Variants in RPS9 observed in about 807,000 individuals in gnomAD.
The protein encoded by RPS9 is small ribosomal subunit protein uS4.
In RPS9, 1 loss-of-function variant was observed where a neutral mutation model predicts 16.9. That is an observed-to-expected ratio of 0.06 (90% CI 0.02 to 0.28). The LOEUF (loss-of-function observed/expected upper bound fraction) is 0.28, where lower values mean the gene tolerates loss of function less well. RPS9 is among the 10% of genes least tolerant of loss of function. The pLI is 1.00. For synonymous variants in RPS9, 106 were observed against 110.9 expected (o/e 0.96, Z 0.28); for missense variants, 137 against 273.2 (o/e 0.50, Z 3.51).
At chr19:54,205,988 T>C (rs1472024669) in intron 3 of RPS9, among the ~76,000 whole-genome samples, 1 of 152,162 alleles carries the variant, frequency 6.6e-6, no homozygotes. Flanking sequence ...GGCTAATTTT[T>C]CGTAATCTTA....
In RPS9 at chr19:54,200,858, C is replaced by G. The variant is rs1319093275; in HGVS notation, c.-56C>G. On this transcript the variant is annotated 5_prime_UTR_variant, in exon 1 of 5. Coordinates refer to ENST00000302907, the MANE Select transcript of RPS9 (RefSeq NM_001013.4). ...GAGCGCAGCCGTGGCGCTTCCGCGC[C>G]TCTTTCTCAGTGACCGGGTGGTTTG... 1.8e-6 allele frequency: 2 copies of G among 1,124,614 alleles called. No individual in the cohort carries two copies. The highest frequency in any genetic ancestry group is 2.2e-6 in the Non-Finnish European group (2 of 915,562). The allele number at this position is 1,124,614 out of a possible 1,614,324, so 69.7% of individuals were successfully genotyped here. A position where few individuals can be genotyped will look rare whatever the true frequency, so the allele number is the denominator to read the frequency against.
At chr19:54,203,191 T>C in intron 3 of RPS9, 1 of 936,564 alleles carries the variant, frequency 1.1e-6, no homozygotes, top group African/African-American at 1.8e-5. Flanking sequence ...TACAGTCATG[T>C]GAGAAAGCGG....
chr19:54,203,785 C>T (rs1176841129), intron 3 of RPS9, among the ~76,000 whole-genome samples: 1 of 146,260 alleles, frequency 6.8e-6, no homozygotes, highest in African/African-American at 2.5e-5. Flanking sequence ...CCCCCACCCC[C>T]CAGCACAACT....
At chr19:54,201,015 C>T in intron 1 of RPS9, 127 bp downstream of exon 1, 3 of 1,449,066 alleles carry the variant, frequency 2.1e-6, no homozygotes, top group African/African-American at 1.4e-5. Flanking sequence ...GAGTGCAGCA[C>T]GGTTGTGGGG....
chr19:54,201,847 A>T, intron 3 of RPS9: 1 of 777,094 alleles, frequency 1.3e-6, no homozygotes. Context: ...TAATGACCAG[A>T]GCTAAAGATA....
intron 3 of RPS9, chr19:54,202,982 G>A (rs1568891553): frequency 4.1e-6 from 4 of 965,584 alleles, no homozygotes; most frequent in Non-Finnish European, 4.9e-6. Context: ...ACAGGTGTAA[G>A]CCACCGCACC....
intron 1 of RPS9, 115 bp downstream of exon 1, chr19:54,201,003 G>T: frequency 1.4e-6 from 2 of 1,440,938 alleles, no homozygotes; most frequent in South Asian, 1.5e-5. Flanking sequence ...GTGGTTGAAC[G>T]GGAGTGCAGC....
intron 3 of RPS9, chr19:54,202,612 TCTA>T: frequency 1.0e-6 from 1 of 985,420 alleles, no homozygotes; most frequent in African/African-American, 1.7e-5. Context: ...TGTTTTAAAA[TCTA>T]CTCTGAGATG....
chr19:54,201,670 TTCTGTTGCC>T lies in RPS9; in HGVS notation c.220+68_220+76del, dbSNP rs2077057795. 1.2e-5 allele frequency: 20 copies of T among 1,601,264 alleles called. No individual in the cohort carries two copies. The East Asian group carries it at 4.3e-4, about 34-fold the overall frequency. On this transcript the variant is annotated intron_variant, in intron 3 of 4. Transcript: ENST00000302907. ...CAGGGCTTGTGAGGTTCATTCTCCC[TTCTGTTGCC>T]TCTGTTCCAGTGATGAGAGTTGTGT...
At chr19:54,201,379 A>AT in intron 2 of RPS9, 98 bp downstream of exon 2, 1 of 1,606,674 alleles carries the variant, frequency 6.2e-7, no homozygotes, top group Non-Finnish European at 8.5e-7. Flanking sequence ...CGTCCCCTAA[A>AT]TTTGGTACTA....
chr19:54,202,357 C>T (rs1475006765), intron 3 of RPS9: 1 of 882,788 alleles, frequency 1.1e-6, no homozygotes, highest in Admixed American at 6.2e-5. Flanking sequence ...GGCTAATTTT[C>T]TATTATTAGT....
Position 54,201,293 on chromosome 19 carries a change from A to C in RPS9, c.97+12A>C. On this transcript the variant is annotated intron_variant, in intron 2 of 4. Coordinates refer to ENST00000302907, the MANE Select transcript of RPS9 (RefSeq NM_001013.4). ...GCTGAAGCTGATCGGTGAGTGGCCA[A>C]GGCTTCCGGGAAGTGGTTCGGCTTC... 1.2e-6 allele frequency: 2 copies of C among 1,614,068 alleles called. No homozygotes were observed. Among genetic ancestry groups the C allele is most frequent in the Non-Finnish European group, 1.7e-6 (2 of 1,180,004 alleles).
rs189846490 is a variant in RPS9 at position 54,202,414 on chromosome 19, A to G, written c.220+805A>G. On this transcript the variant is annotated intron_variant, in intron 3 of 4. Transcript: ENST00000302907. ...TGTCCAGGCTGGTGCTTGTTTTTTT[A>G]AGCTGGTCAAGGACATTTAGGTGGT... 6.0e-5 allele frequency: 59 copies of G among 984,676 alleles called. No homozygotes were observed. In the African/African-American group the frequency reaches 9.1e-4, roughly 15 times the overall value. 61.0% of individuals were successfully genotyped at this position (984,676 alleles called of 1,614,324 possible). A position where few individuals can be genotyped will look rare whatever the true frequency, so the allele number is the denominator to read the frequency against.
chr19:54,205,116 T>G lies in RPS9; in HGVS notation c.221-1160T>G, dbSNP rs950176388. On this transcript the variant is annotated intron_variant, in intron 3 of 4. Coordinates refer to ENST00000302907, the MANE Select transcript of RPS9 (RefSeq NM_001013.4). The stretch of plus-strand genomic sequence containing the variant: ...TTTGCTGTAACTAGTAAGAGCCACT[T>G]TTTATAAAAGTGCACATAAGGAAAA... Among the ~76,000 whole-genome samples the G allele has an allele frequency of 2.0e-5, 3 of 152,220 alleles. No homozygotes were observed. The South Asian group carries it at 6.2e-4, about 32-fold the overall frequency.
intron 3 of RPS9, among the ~76,000 whole-genome samples, chr19:54,204,082 G>A (rs1386196569): frequency 1.3e-5 from 2 of 151,916 alleles, no homozygotes; most frequent in East Asian, 1.9e-4. Context: ...GGAGATAGAT[G>A]GTTCAATAAA....
Position 54,201,277 on chromosome 19 carries a change from G to A in RPS9, c.93G>A (p.Leu31=). 1 of 1,614,174 alleles carries A rather than the reference G, an allele frequency of 6.2e-7. No individual in the cohort carries two copies. ...EKSRLDQELK[L]IGEYGLRNKR... ...CTCGTCTCGACCAAGAGCTGAAGCT[G>A]ATCGGTGAGTGGCCAAGGCTTCCGG... Residue 31 remains leucine (L), a synonymous_variant, in exon 2 of 5, where the codon CTG becomes CTA. Transcript: ENST00000302907.
At chr19:54,206,709 G>C (rs927757113) in intron 4 of RPS9, 2 of 1,507,118 alleles carry the variant, frequency 1.3e-6, no homozygotes, top group Non-Finnish European at 1.8e-6. Flanking sequence ...TGCCAGGCAT[G>C]TGGGCAGCTG....
At chr19:54,204,787 T>A (rs1296911929) in intron 3 of RPS9, among the ~76,000 whole-genome samples, 1 of 152,142 alleles carries the variant, frequency 6.6e-6, no homozygotes, top group Admixed American at 6.6e-5. Flanking sequence ...GGTCCCAAAC[T>A]CATTTTCATT....
intron 4 of RPS9, chr19:54,206,706 C>A: frequency 6.6e-7 from 1 of 1,510,684 alleles, no homozygotes; most frequent in Admixed American, 2.1e-5. Flanking sequence ...CTCTGCCAGG[C>A]ATGTGGGCAG....
Sources: allele counts gnomAD v4.1 joint callset (sites outside exome capture counted in the v4.1 genomes callset), GRCh38; gene constraint gnomAD v4.1.1; transcripts MANE v1.5; gene names NCBI Gene and HGNC (gene_info 2026-07-23, HGNC 2026-07-21).